The following SDK1 variants were observed in gnomAD, a reference collection of about 807,000 sequenced individuals.
SDK1 encodes sidekick cell adhesion molecule 1.
SDK1 carries 157 observed loss-of-function variants against 245.5 expected under a neutral mutation model. That is an observed-to-expected ratio of 0.64 (90% CI 0.56 to 0.73). The LOEUF is 0.73. Among genes scored for constraint, SDK1 ranks in the 30% least tolerant of loss-of-function variants. The probability of loss-of-function intolerance (pLI) is 0.00; values close to 1 mark genes in which losing one functional copy is unlikely to be tolerated. For missense variants in SDK1, 3,583 were observed against 3,002.3 expected, an observed-to-expected ratio of 1.19 and a Z score of -4.52; for synonymous variants, 1,647 against 1,278.5, an observed-to-expected ratio of 1.29 and a Z score of -6.15.
intron 35 of SDK1, among the ~76,000 whole-genome samples, chr7:4,197,285 A>C (rs1247307415): frequency 6.6e-6 from 1 of 151,264 alleles, no homozygotes; most frequent in Admixed American, 6.6e-5. Context: ...CAATGTAGCA[A>C]GACCTCATCT....
intron 31 of SDK1, among the ~76,000 whole-genome samples, chr7:4,159,639 AG>A (rs1408715710): frequency 6.6e-6 from 1 of 152,234 alleles, no homozygotes; most frequent in Non-Finnish European, 1.5e-5. Flanking sequence ...GGGGTGGTCC[AG>A]GGCCCTAGTG....
At chr7:3,875,474 G>A (rs1330328628) in intron 5 of SDK1, among the ~76,000 whole-genome samples, 1 of 152,184 alleles carries the variant, frequency 6.6e-6, no homozygotes, top group East Asian at 1.9e-4. Flanking sequence ...CCACATAGAG[G>A]AAAGGCTCTC....
chr7:3,721,069 G>C (rs1785352229), intron 4 of SDK1, among the ~76,000 whole-genome samples: 1 of 152,186 alleles, frequency 6.6e-6, no homozygotes, highest in Non-Finnish European at 1.5e-5. Flanking sequence ...TACAGCAATG[G>C]AGAAGAGATC....
intron 4 of SDK1, among the ~76,000 whole-genome samples, chr7:3,655,497 A>ATGTATGTATGTATGTATG (rs1175341070): frequency 1.6e-5 from 1 of 64,138 alleles, no homozygotes; most frequent in African/African-American, 4.5e-5. Context: ...ATATATATAT[A>ATGTATGTATGTATGTATG]TATATATGTA....
intron 1 of SDK1, among the ~76,000 whole-genome samples, chr7:3,524,103 C>G (rs1037810742): frequency 3.3e-5 from 5 of 152,098 alleles, no homozygotes; most frequent in African/African-American, 9.7e-5. Flanking sequence ...TAAGCAAAGA[C>G]CTGCAGGAAG....
intron 1 of SDK1, among the ~76,000 whole-genome samples, chr7:3,392,487 C>G (rs143778872): frequency 6.6e-6 from 1 of 152,004 alleles, no homozygotes; most frequent in Admixed American, 6.5e-5. Context: ...GTCATTTTAA[C>G]CATTTAAAAA....
chr7:3,301,887 A>C lies in SDK1; in HGVS notation c.298+3A>C. 8.9e-7 allele frequency: 1 copy of C among 1,126,264 alleles called. No individual in the cohort carries two copies. Among genetic ancestry groups the C allele is most frequent in the Non-Finnish European group, 1.1e-6 (1 of 920,934 alleles). The allele number at this position is 1,126,264 out of a possible 1,614,324, so 69.8% of individuals were successfully genotyped here. A position where few individuals can be genotyped will look rare whatever the true frequency, so the allele number is the denominator to read the frequency against. On this transcript the variant is annotated splice_donor_region_variant and intron_variant, in intron 1 of 44. Coordinates refer to ENST00000404826, the MANE Select transcript of SDK1 (RefSeq NM_152744.4). The stretch of plus-strand genomic sequence containing the variant: ...CTTGCTCCGGGCGCTGGCGCAAGGT[A>C]GGTGCGCGCGGGGTCGCGGGCCGGG...
At chr7:3,315,427 C>T (rs903605725) in intron 1 of SDK1, among the ~76,000 whole-genome samples, 1 of 152,126 alleles carries the variant, frequency 6.6e-6, no homozygotes, top group African/African-American at 2.4e-5. Context: ...GTCTCTGGAG[C>T]CCCTGTTCCT....
intron 35 of SDK1, among the ~76,000 whole-genome samples, chr7:4,179,413 G>C (rs941534420): frequency 6.6e-6 from 1 of 151,964 alleles, no homozygotes; most frequent in African/African-American, 2.4e-5. Flanking sequence ...GGCAGGGGCG[G>C]CTCGGACTGC....
intron 38 of SDK1, among the ~76,000 whole-genome samples, chr7:4,217,062 G>A (rs1272031838): frequency 7.6e-4 from 13 of 17,126 alleles, no homozygotes; most frequent in African/African-American, 3.8e-3. Flanking sequence ...CACACCACCC[G>A]GAGCACCAGG....
Position 3,903,608 on chromosome 7 carries a change from A to G in SDK1, c.848-47315A>G, listed in dbSNP as rs75724226. On this transcript the variant is annotated intron_variant, in intron 5 of 44. Coordinates refer to ENST00000404826, the MANE Select transcript of SDK1 (RefSeq NM_152744.4). ...TACAGAGTTACTATATGACCTAGCA[A>G]TACCACTCCTAGGTATGTATGCAAG... Among the ~76,000 whole-genome samples the G allele has an allele frequency of 8.6e-3, 1,306 of 152,286 alleles. 16 individuals carry two copies. The highest frequency in any genetic ancestry group is 0.029 in the African/African-American group (1,212 of 41,526).
rs147617353 is a variant in SDK1, at chr7:4,053,476, A to G, written c.2911+1646A>G. Among the ~76,000 whole-genome samples, 22 of 151,690 alleles carry G rather than the reference A, an allele frequency of 1.5e-4. No homozygotes were observed. The East Asian group carries it at 4.3e-3, about 30-fold the overall frequency. Reference sequence around the variant, plus strand: ...TATTACTTCTTCCAATCTTTTTACTATTGGATCCTTTCCCTCCTCCCACAA... The same window carrying G: ...TATTACTTCTTCCAATCTTTTTACTGTTGGATCCTTTCCCTCCTCCCACAA... On this transcript the variant is annotated intron_variant, in intron 19 of 44. Coordinates refer to ENST00000404826, the MANE Select transcript of SDK1 (RefSeq NM_152744.4).
intron 1 of SDK1, among the ~76,000 whole-genome samples, chr7:3,400,005 C>A (rs896860218): frequency 6.6e-6 from 1 of 152,058 alleles, no homozygotes; most frequent in Non-Finnish European, 1.5e-5. Flanking sequence ...TGCATGACAT[C>A]AAGTAATGAT....
intron 4 of SDK1, among the ~76,000 whole-genome samples, chr7:3,719,057 C>T (rs557991095): frequency 5.3e-5 from 8 of 152,190 alleles, no homozygotes; most frequent in African/African-American, 1.9e-4. Flanking sequence ...TGCCTAAGTC[C>T]TGGGAACAAA....
At chr7:3,533,574 A>G (rs17133523) in intron 1 of SDK1, among the ~76,000 whole-genome samples, 38,385 of 152,108 alleles carry the variant, frequency 0.25, 5,056 homozygotes, top group East Asian at 0.34. Context: ...TGTAATGAAA[A>G]ATGGCAGTAC....
chr7:3,729,551 A>G (rs1583349805), intron 4 of SDK1, among the ~76,000 whole-genome samples: 1 of 152,336 alleles, frequency 6.6e-6, no homozygotes, highest in Non-Finnish European at 1.5e-5. Flanking sequence ...TCTGACCCAC[A>G]ATGCCAACAG....
chr7:3,995,675 C>T (rs6967503), intron 14 of SDK1, among the ~76,000 whole-genome samples: 13,432 of 152,186 alleles, frequency 0.088, 658 homozygotes, highest in Middle Eastern at 0.13. Flanking sequence ...TTCTGAGTTT[C>T]GGGTCTTCTG....
chr7:3,610,246 C>G (rs1291002638), intron 1 of SDK1, among the ~76,000 whole-genome samples: 3 of 152,218 alleles, frequency 2.0e-5, no homozygotes, highest in Admixed American at 1.3e-4. Context: ...AACTCACCAG[C>G]AAACAGATAA....
intron 1 of SDK1, among the ~76,000 whole-genome samples, chr7:3,312,735 A>G (rs1779580064): frequency 6.6e-6 from 1 of 152,166 alleles, no homozygotes; most frequent in Non-Finnish European, 1.5e-5. Flanking sequence ...AGTGGTTACA[A>G]TTCATGAACT....
Sources: allele counts gnomAD v4.1 joint callset (sites outside exome capture counted in the v4.1 genomes callset), GRCh38; gene constraint gnomAD v4.1.1; transcripts MANE v1.5; gene names NCBI Gene and HGNC (gene_info 2026-07-23, HGNC 2026-07-21).